The following ERBB4 variants were observed in gnomAD, a reference collection of about 807,000 sequenced individuals.
The protein encoded by ERBB4 is erb-b2 receptor tyrosine kinase 4.
Under a neutral mutation model 158.0 loss-of-function variants are expected in ERBB4, and 42 were observed. The ratio of observed to expected loss-of-function variants is 0.27; its 90% CI spans 0.21 to 0.34. ERBB4 has a LOEUF of 0.34. Among genes scored for constraint, ERBB4 ranks in the 10% least tolerant of loss-of-function variants. ERBB4 has a pLI of 1.00. For missense variants in ERBB4, 1,333 were observed against 1,624.1 expected, an observed-to-expected ratio of 0.82 and a Z score of 3.08; for synonymous variants, 583 against 558.7, an observed-to-expected ratio of 1.04 and a Z score of -0.61.
intron 1 of ERBB4, among the ~76,000 whole-genome samples, chr2:212,404,235 A>G (rs2091284774): frequency 6.6e-6 from 1 of 152,032 alleles, no homozygotes; most frequent in African/African-American, 2.4e-5. Context: ...TGGCCAAGTC[A>G]AGACTAGAAT....
intron 1 of ERBB4, among the ~76,000 whole-genome samples, chr2:212,445,358 T>G (rs1256743737): frequency 6.6e-6 from 1 of 152,032 alleles, no homozygotes; most frequent in Non-Finnish European, 1.5e-5. Flanking sequence ...ACTAGCAAAA[T>G]TTTTGCTTCC....
intron 20 of ERBB4, among the ~76,000 whole-genome samples, chr2:211,496,961 G>T (rs574683707): frequency 4.2e-4 from 64 of 151,966 alleles, no homozygotes; most frequent in African/African-American, 1.1e-3. Flanking sequence ...TATGTTTATG[G>T]TTTGTCTCCT....
intron 25 of ERBB4, among the ~76,000 whole-genome samples, chr2:211,417,177 T>A (rs1340637339): frequency 6.6e-6 from 1 of 152,110 alleles, no homozygotes; most frequent in Non-Finnish European, 1.5e-5. Context: ...GTATTATTGC[T>A]TAAAAAGATT....
At chr2:211,928,185 G>A (rs149663868) in intron 3 of ERBB4, among the ~76,000 whole-genome samples, 36 of 152,220 alleles carry the variant, frequency 2.4e-4, no homozygotes, top group African/African-American at 8.7e-4. Context: ...AACTTTCACT[G>A]AGACCTTTGC....
intron 20 of ERBB4, among the ~76,000 whole-genome samples, chr2:211,534,748 G>A (rs895831353): frequency 6.6e-6 from 1 of 152,048 alleles, no homozygotes; most frequent in African/African-American, 2.4e-5. Context: ...TGACTAGACT[G>A]AGCCCTGCTG....
intron 3 of ERBB4, among the ~76,000 whole-genome samples, chr2:211,906,087 A>G (rs573923132): frequency 6.6e-6 from 1 of 152,186 alleles, no homozygotes; most frequent in Non-Finnish European, 1.5e-5. Context: ...AAGTGTCACA[A>G]TCTGAAAAGC....
At chr2:211,741,369 T>G (rs762930700) in intron 5 of ERBB4, among the ~76,000 whole-genome samples, 1 of 151,990 alleles carries the variant, frequency 6.6e-6, no homozygotes, top group South Asian at 2.1e-4. Flanking sequence ...CTGCTTAGAA[T>G]AGCTATCTGC....
intron 1 of ERBB4, among the ~76,000 whole-genome samples, chr2:212,163,143 C>A (rs1393464062): frequency 6.6e-6 from 1 of 151,764 alleles, no homozygotes; most frequent in Non-Finnish European, 1.5e-5. Context: ...TGCTTTGTAC[C>A]TTCCTGTCCA....
chr2:212,393,747 G>A (rs1358650788), intron 1 of ERBB4, among the ~76,000 whole-genome samples: 1 of 152,082 alleles, frequency 6.6e-6, no homozygotes, highest in African/African-American at 2.4e-5. Flanking sequence ...CCCTAAAAAT[G>A]TTGCTGTGGC....
rs144932735 is a variant in ERBB4 at position 212,442,600 on chromosome 2, A to G, written c.82+95849T>C. ...GAGGTCAGGTAATTAATGGAATTTT[A>G]GCTTAGGTCCTACTTACAGTGGGTT... On this transcript the variant is annotated intron_variant, in intron 1 of 27. Transcript: ENST00000342788. Among the ~76,000 whole-genome samples, 1,146 of 152,252 alleles carry G rather than the reference A, an allele frequency of 7.5e-3. 11 individuals carry two copies. Among genetic ancestry groups the G allele is most frequent in the African/African-American group, 0.026 (1,084 of 41,544 alleles).
intron 3 of ERBB4, among the ~76,000 whole-genome samples, chr2:211,900,867 A>G (rs147379003): frequency 1.3e-5 from 2 of 152,152 alleles, no homozygotes; most frequent in East Asian, 3.9e-4. Flanking sequence ...ATAGAGTGGC[A>G]TTTTCTATTT....
chr2:212,062,370 C>T (rs2077799890), intron 2 of ERBB4, among the ~76,000 whole-genome samples: 2 of 139,736 alleles, frequency 1.4e-5, no homozygotes, highest in African/African-American at 2.6e-5. Flanking sequence ...CTTTCGTCTT[C>T]CTCCTACTAC....
chr2:211,732,868 T>A (rs1437027365), intron 5 of ERBB4, among the ~76,000 whole-genome samples: 1 of 152,144 alleles, frequency 6.6e-6, no homozygotes, highest in Non-Finnish European at 1.5e-5. Context: ...TCCCAGCTAC[T>A]CAGGAGGCTG....
At chr2:212,148,980 A>G (rs2080775556) in intron 1 of ERBB4, among the ~76,000 whole-genome samples, 1 of 129,590 alleles carries the variant, frequency 7.7e-6, no homozygotes. Context: ...TCACATGGAC[A>G]CAGGAAGGGG....
chr2:211,646,214 T>C (rs1462052499), intron 16 of ERBB4, among the ~76,000 whole-genome samples: 1 of 151,648 alleles, frequency 6.6e-6, no homozygotes, highest in Non-Finnish European at 1.5e-5. Context: ...GACTAATACA[T>C]AGACATAACA....
At chr2:211,754,229 A>G (rs571756896) in intron 4 of ERBB4, among the ~76,000 whole-genome samples, 1 of 142,556 alleles carries the variant, frequency 7.0e-6, no homozygotes, top group East Asian at 2.1e-4. Flanking sequence ...TAGTTTTATA[A>G]ACTACTTCTC....
At chr2:211,841,863 T>C (rs2077477559) in intron 3 of ERBB4, among the ~76,000 whole-genome samples, 1 of 152,086 alleles carries the variant, frequency 6.6e-6, no homozygotes, top group African/African-American at 2.4e-5. Context: ...CAGTGGGAAC[T>C]TGTAGCCTAG....
At chr2:212,184,379 C>T (rs1393245214) in intron 1 of ERBB4, among the ~76,000 whole-genome samples, 13 of 152,148 alleles carry the variant, frequency 8.5e-5, no homozygotes, top group East Asian at 1.9e-4. Context: ...CAAAGGTATA[C>T]GACACCCTTT....
chr2:211,961,724 A>G (rs1375083879), intron 2 of ERBB4, among the ~76,000 whole-genome samples: 1 of 152,144 alleles, frequency 6.6e-6, no homozygotes, highest in Non-Finnish European at 1.5e-5. Flanking sequence ...CAAAAGACAG[A>G]GAAACATGGT....
Sources: gnomAD v4.1 joint callset for allele counts (sites outside exome capture counted in the v4.1 genomes callset) on GRCh38, gnomAD v4.1.1 for gene constraint, MANE v1.5 for transcripts, NCBI Gene and HGNC (gene_info 2026-07-23, HGNC 2026-07-21) for gene names.